Variants in PPIP5K2 observed in about 807,000 individuals in gnomAD.
The protein encoded by PPIP5K2 is diphosphoinositol pentakisphosphate kinase 2.
In PPIP5K2, 105 loss-of-function variants were observed where a neutral mutation model predicts 154.6. The observed-to-expected ratio is 0.68, with a 90% confidence interval of 0.58 to 0.80. PPIP5K2 has a LOEUF of 0.80. PPIP5K2 is among the 30% of genes least tolerant of loss of function. The pLI is 0.00. For synonymous variants in PPIP5K2, 480 were observed against 490.3 expected, an observed-to-expected ratio of 0.98 and a Z score of 0.28; for missense variants, 992 against 1,504.6, an observed-to-expected ratio of 0.66 and a Z score of 5.64.
Position 103,138,476 on chromosome 5 carries a change from GT to G in PPIP5K2, c.487+8del, listed in dbSNP as rs1286816262. 42 of 1,576,612 alleles carry G rather than the reference GT, an allele frequency of 2.7e-5. No individual in the cohort carries two copies. The highest frequency in any genetic ancestry group is 3.6e-5 in the Non-Finnish European group (42 of 1,151,874). Reference sequence around the variant, plus strand: ...GACCCAAATAATCCCAAAGGTAAGAGTAAGAGATTTTAGGTAAGCTTCCTTT... The same window carrying G: ...GACCCAAATAATCCCAAAGGTAAGAGAAGAGATTTTAGGTAAGCTTCCTTT... On this transcript the variant is annotated splice_region_variant and intron_variant, in intron 5 of 30. Transcript: ENST00000358359.
intron 5 of PPIP5K2, among the ~76,000 whole-genome samples, chr5:103,140,880 T>G (rs149947958): frequency 2.2e-4 from 33 of 148,328 alleles, no homozygotes; most frequent in Admixed American, 1.3e-3. Context: ...CATGAAGACA[T>G]AATATACTTT....
At chr5:103,145,026 A>C (rs1793509996) in intron 5 of PPIP5K2, among the ~76,000 whole-genome samples, 1 of 152,164 alleles carries the variant, frequency 6.6e-6, no homozygotes, top group South Asian at 2.1e-4. Context: ...AGGGACTAAT[A>C]ACCAGAATAT....
chr5:103,155,846 A>G (rs558306156), intron 13 of PPIP5K2, 63 bp from the exon 14 acceptor site: 40 of 1,038,520 alleles, frequency 3.9e-5, no homozygotes, highest in Non-Finnish European at 5.5e-5. Context: ...AAAAGGGAGC[A>G]TGAATATGTG....
Position 103,162,364 on chromosome 5 carries a change from T to C in PPIP5K2, c.1920+3036T>C, listed in dbSNP as rs1202619058. 2.0e-5 allele frequency among the ~76,000 whole-genome samples: 3 copies of C among 151,158 alleles called. No homozygotes were observed. The East Asian group carries it at 5.8e-4, about 29-fold the overall frequency. ...TGATGTGTTTTCTTTTTTTTTTTTT[T>C]GTTTTTTTGTTTTGTAGAGACAATG... On this transcript the variant is annotated intron_variant, in intron 17 of 30. Transcript: ENST00000358359.
Position 103,209,274 on chromosome 5 carries a change from G to A in PPIP5K2, c.*7640G>A, listed in dbSNP as rs1803676606. 6.6e-6 allele frequency: 1 copy of A among 151,936 alleles called. No individual in the cohort carries two copies. The highest frequency in any genetic ancestry group is 6.6e-5 in the Admixed American group (1 of 15,258). The allele number at this position is 151,936 out of a possible 1,614,324, so 9.4% of individuals were successfully genotyped here. On this transcript the variant is annotated 3_prime_UTR_variant, in exon 31 of 31. Transcript: ENST00000358359. The stretch of plus-strand genomic sequence containing the variant: ...CTTTTATGGCTGCTCCTGTTGCCAG[G>A]GCAACAGCCTGCCTAGTAACAATCT...
intron 3 of PPIP5K2, among the ~76,000 whole-genome samples, chr5:103,134,058 G>C (rs1055489484): frequency 1.3e-5 from 2 of 151,978 alleles, no homozygotes; most frequent in African/African-American, 4.8e-5. Context: ...CTTTTTCACT[G>C]CATATTTTTG....
chr5:103,153,826 CAT>C lies in PPIP5K2; in HGVS notation c.1131-15_1131-14del. On this transcript the variant is annotated intron_variant, in intron 10 of 30. Coordinates refer to ENST00000358359, the MANE Select transcript of PPIP5K2 (RefSeq NM_001276277.3). ...CAAATCTTTTTTAGAGAATTAAGAA[CAT>C]ATATATTTTTTCATTTTAGGATGGA... The C allele has an allele frequency of 1.3e-6, 2 of 1,509,822 alleles. No individual in the cohort carries two copies. The highest frequency in any genetic ancestry group is 1.8e-6 in the Non-Finnish European group (2 of 1,097,934). The allele number at this position is 1,509,822 out of a possible 1,614,324, so 93.5% of individuals were successfully genotyped here.
At chr5:103,151,146 T>C (rs1403326979) in intron 8 of PPIP5K2, 107 bp from the exon 9 acceptor site, 3 of 890,146 alleles carry the variant, frequency 3.4e-6, no homozygotes, top group Admixed American at 6.1e-5. Context: ...TATATAGTAA[T>C]ATACTTTTAA....
In PPIP5K2 at chr5:103,204,000, T is replaced by G. The variant is rs1803338354; in HGVS notation, c.*2366T>G. 6.6e-6 allele frequency: 1 copy of G among 152,154 alleles called. No individual in the cohort carries two copies. Among genetic ancestry groups the G allele is most frequent in the African/African-American group, 2.4e-5 (1 of 41,428 alleles). 9.4% of individuals were successfully genotyped at this position (152,154 alleles called of 1,614,324 possible). A position where few individuals can be genotyped will look rare whatever the true frequency, so the allele number is the denominator to read the frequency against. ...TGTGGCAGTGTGCTTAGCATAAACA[T>G]AGAGCACAAAGGCAATAGATGGAAA... On this transcript the variant is annotated 3_prime_UTR_variant, in exon 31 of 31. Transcript: ENST00000358359.
rs1335094202 is a variant in PPIP5K2, at chr5:103,154,709, A to G, written c.1257A>G (p.Ser419=). ...TTGAAAAGTGTGATGGATATAAATC[A>G]GGGAAATTAAAACTCAAAAAACCAA... is the stretch of plus-strand genomic sequence containing the variant. The part of the protein sequence containing the change: ...DLFEKCDGYK[S]GKLKLKKPKQ... The change falls in exon 12 of 31, where the codon TCA becomes TCG. Residue 419 remains serine, a synonymous_variant. Coordinates refer to ENST00000358359, the MANE Select transcript of PPIP5K2 (RefSeq NM_001276277.3). 10 of 1,580,626 alleles carry G rather than the reference A, an allele frequency of 6.3e-6. No homozygotes were observed. The highest frequency in any genetic ancestry group is 8.6e-6 in the Non-Finnish European group (10 of 1,158,558).
rs782099046 is a variant in PPIP5K2, at chr5:103,156,026, T to G, written c.1489+32T>G. The G allele has an allele frequency of 2.2e-6, 3 of 1,376,280 alleles. No individual in the cohort carries two copies. The Admixed American group carries it at 5.2e-5, about 24-fold the overall frequency. 85.3% of individuals were successfully genotyped at this position (1,376,280 alleles called of 1,614,324 possible). A position where few individuals can be genotyped will look rare whatever the true frequency, so the allele number is the denominator to read the frequency against. On this transcript the variant is annotated intron_variant, in intron 14 of 30. Transcript: ENST00000358359. ...TATTCTTAATGCTTATACAGTAGTTTTATATGTAGTAACTTGTTATTCACT... is the reference window on the plus strand; with the variant it reads ...TATTCTTAATGCTTATACAGTAGTTGTATATGTAGTAACTTGTTATTCACT...
At chr5:103,175,997 TACTC>T (rs1338806233) in intron 21 of PPIP5K2, among the ~76,000 whole-genome samples, 6 of 152,246 alleles carry the variant, frequency 3.9e-5, no homozygotes, top group African/African-American at 1.2e-4. Flanking sequence ...ATTAAAATCT[TACTC>T]AGTATATTCC....
rs1790263498 is a variant in PPIP5K2 at position 103,129,501 on chromosome 5, T to C, written c.-89T>C. ...TCACAGACCTGTGCGTCAGCTAATA[T>C]ATGGAGAATGCTTTCTTCTGATACT... On this transcript the variant is annotated 5_prime_UTR_variant, in exon 2 of 31. Coordinates refer to ENST00000358359, the MANE Select transcript of PPIP5K2 (RefSeq NM_001276277.3). 5.6e-6 allele frequency: 6 copies of C among 1,071,028 alleles called. No individual in the cohort carries two copies. The highest frequency in any genetic ancestry group is 6.1e-5 in the Admixed American group (2 of 32,674). The allele number at this position is 1,071,028 out of a possible 1,614,324, so 66.3% of individuals were successfully genotyped here. A position where few individuals can be genotyped will look rare whatever the true frequency, so the allele number is the denominator to read the frequency against.
At chr5:103,142,355 C>G (rs1792912844) in intron 5 of PPIP5K2, among the ~76,000 whole-genome samples, 1 of 152,198 alleles carries the variant, frequency 6.6e-6, no homozygotes, top group Non-Finnish European at 1.5e-5. Context: ...AGCCCACGCC[C>G]ACCCAGAACT....
chr5:103,188,407 T>C (rs958106516), intron 28 of PPIP5K2, among the ~76,000 whole-genome samples: 1 of 152,140 alleles, frequency 6.6e-6, no homozygotes, highest in African/African-American at 2.4e-5. Flanking sequence ...TTATGGTCAT[T>C]CTCCCCCTTC....
At chr5:103,134,519 G>A (rs1791144748) in intron 3 of PPIP5K2, among the ~76,000 whole-genome samples, 1 of 152,118 alleles carries the variant, frequency 6.6e-6, no homozygotes, top group Non-Finnish European at 1.5e-5. Flanking sequence ...CTAAATTGAT[G>A]TTCATTATTT....
chr5:103,132,531 G>A (rs1485992192), intron 2 of PPIP5K2, among the ~76,000 whole-genome samples: 2 of 152,002 alleles, frequency 1.3e-5, no homozygotes, highest in Non-Finnish European at 2.9e-5. Context: ...GGGCGACAGA[G>A]CGAGACTTTG....
chr5:103,121,954 T>C (rs1392318486), intron 1 of PPIP5K2, among the ~76,000 whole-genome samples: 1 of 152,220 alleles, frequency 6.6e-6, no homozygotes, highest in Non-Finnish European at 1.5e-5. Flanking sequence ...TTATGGACTA[T>C]TAATTTTCTC....
intron 5 of PPIP5K2, among the ~76,000 whole-genome samples, chr5:103,143,278 G>C (rs552372452): frequency 6.6e-6 from 1 of 152,240 alleles, no homozygotes; most frequent in East Asian, 1.9e-4. Context: ...TTTCACTGTA[G>C]CCTCGACTCC....
Sources: gnomAD v4.1 joint callset for allele counts (sites outside exome capture counted in the v4.1 genomes callset) on GRCh38, gnomAD v4.1.1 for gene constraint, MANE v1.5 for transcripts, NCBI Gene and HGNC (gene_info 2026-07-23, HGNC 2026-07-21) for gene names.